The following CCDC150 variants were observed in gnomAD, a reference collection of about 807,000 sequenced individuals.
CCDC150 encodes coiled-coil domain-containing protein 150.
CCDC150 carries 151 observed loss-of-function variants against 156.5 expected under a neutral mutation model. The observed-to-expected ratio is 0.97, with a 90% CI of 0.85 to 1.10. CCDC150 has a LOEUF of 1.10. Ranked by LOEUF, CCDC150 falls within the 50% of genes least tolerant of loss-of-function variation. The pLI, the probability that CCDC150 is intolerant of heterozygous loss-of-function variation, is 0.00. For missense variants in CCDC150, 1,312 were observed against 1,268.1 expected (o/e 1.03, Z -0.53); for synonymous variants, 452 against 429.4 (o/e 1.05, Z -0.65).
intron 25 of CCDC150, 108 bp from the exon 26 acceptor site, chr2:196,730,751 C>A: frequency 1.3e-6 from 1 of 771,122 alleles, no homozygotes; most frequent in Non-Finnish European, 2.1e-6. Flanking sequence ...AGTTAGAAGG[C>A]ACTCCATCCT....
At chr2:196,651,877 C>A (rs1692898947) in intron 2 of CCDC150, among the ~76,000 whole-genome samples, 1 of 152,142 alleles carries the variant, frequency 6.6e-6, no homozygotes, top group Non-Finnish European at 1.5e-5. Context: ...TCTGTTGAGG[C>A]CTCAGGACGC....
intron 15 of CCDC150, among the ~76,000 whole-genome samples, chr2:196,703,858 C>G (rs114628768): frequency 0.021 from 3,179 of 152,232 alleles, 45 homozygotes; most frequent in Middle Eastern, 0.034. Flanking sequence ...AAATACATGC[C>G]TGTTTGCTGT....
chr2:196,729,611 T>G (rs1249763676), intron 23 of CCDC150, 182 bp from the exon 24 acceptor site: 1 of 658,000 alleles, frequency 1.5e-6, no homozygotes, highest in African/African-American at 1.8e-5. Context: ...ATCTGTCCCT[T>G]CCGTGTTGAT....
chr2:196,656,506 C>T, intron 2 of CCDC150, 127 bp from the exon 3 acceptor site: 1 of 663,688 alleles, frequency 1.5e-6, no homozygotes. Flanking sequence ...AGTCAGAAGC[C>T]TGCCATGTTG....
At chr2:196,669,046 T>C (rs1390341561) in intron 7 of CCDC150, among the ~76,000 whole-genome samples, 1 of 152,230 alleles carries the variant, frequency 6.6e-6, no homozygotes, top group Non-Finnish European at 1.5e-5. Context: ...TTTACACTTT[T>C]TGGCTACTAG....
intron 14 of CCDC150, among the ~76,000 whole-genome samples, chr2:196,696,112 G>C (rs4375883): frequency 0.77 from 117,494 of 152,122 alleles, 45,586 homozygotes; most frequent in East Asian, 0.97. Flanking sequence ...TCCTACTTTT[G>C]AGTTTTGGCT....
chr2:196,719,268 G>C (rs1443307192), intron 18 of CCDC150: 3 of 371,144 alleles, frequency 8.1e-6, no homozygotes, highest in Non-Finnish European at 1.4e-5. Flanking sequence ...CATGACCACA[G>C]TTGGGAAGCT....
chr2:196,717,395 ATATG>A (rs948893240), intron 17 of CCDC150, among the ~76,000 whole-genome samples: 30 of 152,178 alleles, frequency 2.0e-4, no homozygotes, highest in Non-Finnish European at 3.5e-4. Context: ...AGTCATGTGA[ATATG>A]TAAATAGGAT....
At chr2:196,729,528 CT>C in intron 23 of CCDC150, 141 bp downstream of exon 23, 3 of 803,998 alleles carry the variant, frequency 3.7e-6, no homozygotes, top group African/African-American at 1.7e-5. Context: ...TTTGGGGAGA[CT>C]TTTTCAGTGG....
intron 5 of CCDC150, among the ~76,000 whole-genome samples, chr2:196,663,961 T>C (rs1166842762): frequency 6.6e-6 from 1 of 152,150 alleles, no homozygotes; most frequent in Non-Finnish European, 1.5e-5. Flanking sequence ...AAAGAGACTC[T>C]TATTAATGGA....
chr2:196,694,876 T>TA (rs1192538211), intron 13 of CCDC150, among the ~76,000 whole-genome samples, 170 bp from the exon 14 acceptor site: 7 of 151,810 alleles, frequency 4.6e-5, no homozygotes, highest in African/African-American at 1.7e-4. Flanking sequence ...AAGTAAAAAA[T>TA]AAAAAATCAT....
At position 196,664,387 on chromosome 2, in the gene CCDC150, A is replaced by G. The variant is rs549839984; in HGVS notation, c.646-1180A>G. On this transcript the variant is annotated intron_variant, in intron 5 of 27. Coordinates refer to ENST00000389175, the MANE Select transcript of CCDC150 (RefSeq NM_001080539.2). ...TTGAAATAATTTGCTGGAACAGCTCAGAGAATTCAGAGAAACGCTTCACTT... is the reference window on the plus strand; with the variant it reads ...TTGAAATAATTTGCTGGAACAGCTCGGAGAATTCAGAGAAACGCTTCACTT... 9.2e-5 allele frequency among the ~76,000 whole-genome samples: 14 copies of G among 152,362 alleles called. No individual in the cohort carries two copies. In the South Asian group the frequency reaches 2.9e-3, roughly 32 times the overall value.
Position 196,696,294 on chromosome 2 carries a change from G to GA in CCDC150, c.1623+1146dup, listed in dbSNP as rs796525369. ...TTCTTAGTATCTGAACTGTCTCAGA[G>GA]AAAAAAAAAAAGCCTGTAAGTGCCT... On this transcript the variant is annotated intron_variant, in intron 14 of 27. Coordinates refer to ENST00000389175, the MANE Select transcript of CCDC150 (RefSeq NM_001080539.2). 1.0e-3 allele frequency among the ~76,000 whole-genome samples: 148 copies of GA among 142,332 alleles called. 1 individual carries two copies. Among genetic ancestry groups the GA allele is most frequent in the African/African-American group, 2.1e-3 (83 of 39,004 alleles). The allele number at this position is 142,332 out of a possible 152,430, so 93.4% of individuals were successfully genotyped here. A position where few individuals can be genotyped will look rare whatever the true frequency, so the allele number is the denominator to read the frequency against.
At chr2:196,691,330 C>A (rs977650817) in intron 13 of CCDC150, among the ~76,000 whole-genome samples, 2 of 152,122 alleles carry the variant, frequency 1.3e-5, no homozygotes, top group African/African-American at 4.8e-5. Flanking sequence ...GTGAATCTGT[C>A]TGATGCTGGC....
intron 5 of CCDC150, among the ~76,000 whole-genome samples, chr2:196,661,374 C>CAA (rs1693548959): frequency 6.6e-6 from 1 of 152,164 alleles, no homozygotes; most frequent in Admixed American, 6.6e-5. Context: ...CCTTGGCTTG[C>CAA]AGGTGTCCGC....
chr2:196,673,531 A>G (rs1239600393), intron 9 of CCDC150, among the ~76,000 whole-genome samples: 2 of 152,042 alleles, frequency 1.3e-5, no homozygotes, highest in Non-Finnish European at 2.9e-5. Flanking sequence ...TCTTTTATTT[A>G]TCTTTTCTTT....
At chr2:196,697,110 C>T (rs1173852256) in intron 14 of CCDC150, among the ~76,000 whole-genome samples, 3 of 152,210 alleles carry the variant, frequency 2.0e-5, no homozygotes, top group Admixed American at 2.0e-4. Flanking sequence ...AATGCAGGAA[C>T]AGTAGTTACT....
intron 5 of CCDC150, among the ~76,000 whole-genome samples, chr2:196,659,692 G>A (rs1258429415): frequency 1.3e-5 from 2 of 152,024 alleles, no homozygotes; most frequent in Non-Finnish European, 2.9e-5. Context: ...TTTTAGGGCA[G>A]TTTTAGGTTT....
At position 196,665,553 on chromosome 2, in the gene CCDC150, G is replaced by T. The variant is rs372569306; in HGVS notation, c.646-14G>T. The T allele has an allele frequency of 6.6e-7, 1 of 1,512,070 alleles. No individual in the cohort carries two copies. Among genetic ancestry groups the T allele is most frequent in the South Asian group, 1.2e-5 (1 of 83,470 alleles). The allele number at this position is 1,512,070 out of a possible 1,614,324, so 93.7% of individuals were successfully genotyped here. A position where few individuals can be genotyped will look rare whatever the true frequency, so the allele number is the denominator to read the frequency against. ...GATCAATTGGTCTTGCCTAACTGCA[G>T]TGTTGCTTTGTAGCTAAGGAGACAA... is the stretch of plus-strand genomic sequence containing the variant. On this transcript the variant is annotated splice_polypyrimidine_tract_variant and intron_variant, in intron 5 of 27. Coordinates refer to ENST00000389175, the MANE Select transcript of CCDC150 (RefSeq NM_001080539.2).
Sources: allele counts gnomAD v4.1 joint callset (sites outside exome capture counted in the v4.1 genomes callset), GRCh38; gene constraint gnomAD v4.1.1; transcripts MANE v1.5; gene names NCBI Gene and HGNC (gene_info 2026-07-23, HGNC 2026-07-21).